The following TGM4 variants were observed in gnomAD, a reference collection of about 807,000 sequenced individuals.
TGM4 encodes the protein transglutaminase 4, also known as protein-glutamine gamma-glutamyltransferase 4.
A neutral mutation model predicts 76.3 loss-of-function variants in TGM4; 61 were observed. The observed-to-expected ratio is 0.80, with a 90% CI of 0.65 to 0.99. TGM4 has a LOEUF of 0.99. Ranked by LOEUF, TGM4 falls within the 50% of genes least tolerant of loss-of-function variation. TGM4 has a pLI of 0.00. For missense variants in TGM4, 794 were observed against 843.2 expected (o/e 0.94, Z 0.72); for synonymous variants, 337 against 329.8 (o/e 1.02, Z -0.24).
intron 1 of TGM4, among the ~76,000 whole-genome samples, chr3:44,875,396 A>C (rs558894719): frequency 6.6e-6 from 1 of 152,196 alleles, no homozygotes; most frequent in East Asian, 1.9e-4. Flanking sequence ...GTCCTTTCTC[A>C]AGGTCACCTG....
At chr3:44,910,029 G>C (rs558411186) in intron 10 of TGM4, 61 bp from the exon 11 acceptor site, 3 of 1,567,318 alleles carry the variant, frequency 1.9e-6, no homozygotes, top group African/African-American at 2.7e-5. Context: ...CCACACGGGT[G>C]GTTGGGACAT....
chr3:44,882,057 C>CTTTTT lies in TGM4; in HGVS notation c.20-3251_20-3247dup, dbSNP rs60542332. ...TAGCTACAAAATAAAAATACAAACG[C>CTTTTT]TTTTTTTTTTTTTTTTTTTTTAGAG... On this transcript the variant is annotated intron_variant, in intron 1 of 13. Transcript: ENST00000296125. Among the ~76,000 whole-genome samples, 456 of 104,602 alleles carry CTTTTT rather than the reference C, an allele frequency of 4.4e-3. 18 individuals are homozygous for CTTTTT. Among genetic ancestry groups the CTTTTT allele is most frequent in the Admixed American group, 0.011 (90 of 8,168 alleles). 68.6% of individuals were successfully genotyped at this position (104,602 alleles called of 152,430 possible).
Position 44,893,563 on chromosome 3 carries a change from T to C in TGM4, c.431-14T>C. On this transcript the variant is annotated splice_polypyrimidine_tract_variant and intron_variant, in intron 4 of 13. Coordinates refer to ENST00000296125, the MANE Select transcript of TGM4 (RefSeq NM_003241.4). The stretch of plus-strand genomic sequence containing the variant: ...GCAGAATATAACCTCTGTGGATGTG[T>C]GGTCTTGCTTCAGAGGACATGGTTT... 2 of 1,607,150 alleles carry C rather than the reference T, an allele frequency of 1.2e-6. No homozygotes were observed. The highest frequency in any genetic ancestry group is 1.7e-6 in the Non-Finnish European group (2 of 1,173,974).
chr3:44,885,955 C>G (rs183088696), intron 2 of TGM4, among the ~76,000 whole-genome samples: 1 of 152,242 alleles, frequency 6.6e-6, no homozygotes, highest in East Asian at 1.9e-4. Context: ...ATAAGTACAA[C>G]TAGGGGAAGA....
intron 1 of TGM4, among the ~76,000 whole-genome samples, chr3:44,879,666 C>CG (rs1323075882): frequency 1.3e-5 from 2 of 151,750 alleles, no homozygotes; most frequent in African/African-American, 4.8e-5. Context: ...TTAGTAGAGA[C>CG]GGGGTTTCAC....
intron 9 of TGM4, among the ~76,000 whole-genome samples, chr3:44,904,548 G>C (rs755505966): frequency 2.0e-5 from 3 of 152,360 alleles, no homozygotes; most frequent in African/African-American, 4.8e-5. Flanking sequence ...GAGGCATGGG[G>C]TTGGTCTGAG....
chr3:44,901,400 C>T (rs973534750), intron 6 of TGM4, 124 bp from the exon 7 acceptor site: 29 of 1,199,052 alleles, frequency 2.4e-5, no homozygotes, highest in South Asian at 2.1e-4. Flanking sequence ...GGAAAGCCCA[C>T]GTCCTCCAAG....
chr3:44,901,879 T>A lies in TGM4; in HGVS notation c.919T>A (p.Tyr307Asn). ...DTERNLTVDT[Y>N]VNENGEKITS... Reference sequence around the variant, plus strand: ...AGAAAGGAACCTCACGGTGGACACCTATGTGAATGAGAATGGCGAGAAAAT... The same window carrying A: ...AGAAAGGAACCTCACGGTGGACACCAATGTGAATGAGAATGGCGAGAAAAT... The change falls in exon 8 of 14, where the codon TAT becomes AAT. Residue 307 changes from tyrosine to asparagine, a missense_variant. Tyr to Asn is a moderately radical substitution (Grantham distance 143). Transcript: ENST00000296125. 3 of 1,614,210 alleles carry A rather than the reference T, an allele frequency of 1.9e-6. No individual in the cohort carries two copies. Among genetic ancestry groups the A allele is most frequent in the Non-Finnish European group, 2.5e-6 (3 of 1,180,020 alleles).
chr3:44,882,430 T>C (rs951778428), intron 1 of TGM4, among the ~76,000 whole-genome samples: 1 of 152,248 alleles, frequency 6.6e-6, no homozygotes, highest in African/African-American at 2.4e-5. Context: ...ATGAGGCTGC[T>C]TAAAACAACA....
chr3:44,879,503 C>G (rs1407603108), intron 1 of TGM4, among the ~76,000 whole-genome samples: 2 of 142,380 alleles, frequency 1.4e-5, no homozygotes, highest in Admixed American at 1.4e-4. Context: ...GACAGAGTCT[C>G]ACTCTGTCGC....
At chr3:44,880,912 T>A (rs924224686) in intron 1 of TGM4, among the ~76,000 whole-genome samples, 1 of 152,170 alleles carries the variant, frequency 6.6e-6, no homozygotes, top group African/African-American at 2.4e-5. Flanking sequence ...AAATCCTGAA[T>A]TTTCAAAAAT....
rs546432543 is a variant in TGM4 at position 44,889,170 on chromosome 3, T to TAAAAAAAAAAAA, written c.300+1398_301-1399dup. Reference sequence around the variant, plus strand: ...CAACACAGGGCTACCCCATCTCTACTAAAAAAAAAAAAAAAAAAAAAAAAA... The same window carrying TAAAAAAAAAAAA: ...CAACACAGGGCTACCCCATCTCTACTAAAAAAAAAAAAAAAAAAAAAAAAAAAAAAAAAAAAA... On this transcript the variant is annotated intron_variant, in intron 3 of 13. Coordinates refer to ENST00000296125, the MANE Select transcript of TGM4 (RefSeq NM_003241.4). 45 of 40,266 alleles carry TAAAAAAAAAAAA rather than the reference T, an allele frequency of 1.1e-3. 1 individual carries two copies. Among genetic ancestry groups the TAAAAAAAAAAAA allele is most frequent in the African/African-American group, 3.6e-3 (45 of 12,530 alleles). The allele number at this position is 40,266 out of a possible 1,614,324, so 2.5% of individuals were successfully genotyped here. A position where few individuals can be genotyped will look rare whatever the true frequency, so the allele number is the denominator to read the frequency against.
Position 44,913,739 on chromosome 3 carries a change from T to C in TGM4, c.*14T>C. ...ATCACCAAGTAGCCTTGTCTGATGC[T>C]GTGGAGCCTTAGTTGAGATTTCAGC... On this transcript the variant is annotated 3_prime_UTR_variant, in exon 14 of 14. Coordinates refer to ENST00000296125, the MANE Select transcript of TGM4 (RefSeq NM_003241.4). 1.2e-6 allele frequency: 2 copies of C among 1,607,088 alleles called. No homozygotes were observed. The highest frequency in any genetic ancestry group is 1.7e-6 in the Non-Finnish European group (2 of 1,177,422).
intron 10 of TGM4, 94 bp from the exon 11 acceptor site, chr3:44,909,996 G>C (rs1241694640): frequency 1.4e-6 from 2 of 1,453,238 alleles, no homozygotes; most frequent in African/African-American, 2.8e-5. Flanking sequence ...TGGAGTCCTG[G>C]CCAGGCAGAT....
At chr3:44,911,467 G>T in intron 13 of TGM4, 61 bp downstream of exon 13, 1 of 1,578,256 alleles carries the variant, frequency 6.3e-7, no homozygotes. Context: ...GCACATGTGT[G>T]CATATTCCTG....
At chr3:44,887,259 C>G (rs929554056) in intron 2 of TGM4, among the ~76,000 whole-genome samples, 3 of 152,228 alleles carry the variant, frequency 2.0e-5, no homozygotes, top group Non-Finnish European at 2.9e-5. Flanking sequence ...GATCCTGCAA[C>G]AGCTTGCAGG....
intron 1 of TGM4, among the ~76,000 whole-genome samples, chr3:44,882,059 T>TC: frequency 6.9e-6 from 1 of 145,524 alleles, no homozygotes; most frequent in Non-Finnish European, 1.5e-5. Flanking sequence ...TACAAACGCT[T>TC]TTTTTTTTTT....
At chr3:44,879,261 C>CTATATATATATATATA in intron 1 of TGM4, among the ~76,000 whole-genome samples, 1 of 93,338 alleles carries the variant, frequency 1.1e-5, no homozygotes, top group South Asian at 3.8e-4. Flanking sequence ...CTCTCTCTCT[C>CTATATATATATATATA]TCTCTATATA....
intron 6 of TGM4, 64 bp downstream of exon 6, chr3:44,896,880 T>A (rs1204492687): frequency 2.4e-5 from 34 of 1,415,974 alleles, no homozygotes; most frequent in Non-Finnish European, 3.1e-5. Flanking sequence ...CTTTTTCTGT[T>A]TTTCCTCATC....
Sources: gnomAD v4.1 joint callset for allele counts (sites outside exome capture counted in the v4.1 genomes callset) on GRCh38, gnomAD v4.1.1 for gene constraint, MANE v1.5 for transcripts, NCBI Gene and HGNC (gene_info 2026-07-23, HGNC 2026-07-21) for gene names.